Variants in PIK3CB observed in about 807,000 individuals in gnomAD.
The protein encoded by PIK3CB is phosphatidylinositol-4,5-bisphosphate 3-kinase catalytic subunit beta.
A neutral mutation model predicts 136.8 loss-of-function variants in PIK3CB; 39 were observed. The ratio of observed to expected loss-of-function variants is 0.29; its 90% CI spans 0.22 to 0.37. The LOEUF (loss-of-function observed/expected upper bound fraction) is 0.37, where lower values mean the gene tolerates loss of function less well. PIK3CB is among the 10% of genes least tolerant of loss of function. PIK3CB has a pLI of 1.00. For synonymous variants in PIK3CB, 428 were observed against 436.6 expected (o/e 0.98, Z 0.25); for missense variants, 868 against 1,275.4 (o/e 0.68, Z 4.87).
intron 1 of PIK3CB, among the ~76,000 whole-genome samples, chr3:138,799,661 TTTTTC>T (rs1361836396): frequency 6.6e-6 from 1 of 151,932 alleles, no homozygotes; most frequent in Admixed American, 6.6e-5. Context: ...AACCTCATCT[TTTTTC>T]TTTTCTTGTT....
intron 10 of PIK3CB, among the ~76,000 whole-genome samples, chr3:138,710,391 C>T (rs1285487378): frequency 6.6e-6 from 1 of 152,004 alleles, no homozygotes; most frequent in Non-Finnish European, 1.5e-5. Context: ...GTGACAACTG[C>T]TAGTACATGA....
At chr3:138,831,402 G>C (rs1253955830) in intron 1 of PIK3CB, among the ~76,000 whole-genome samples, 1 of 147,688 alleles carries the variant, frequency 6.8e-6, no homozygotes, top group Non-Finnish European at 1.5e-5. Context: ...AGACCAGCCT[G>C]GCCAACATGG....
At chr3:138,785,579 G>A (rs996231315) in intron 2 of PIK3CB, among the ~76,000 whole-genome samples, 2 of 152,044 alleles carry the variant, frequency 1.3e-5, no homozygotes, top group Non-Finnish European at 2.9e-5. Flanking sequence ...GATTAAGGAC[G>A]GTGTAAGATG....
chr3:138,737,337 G>A (rs1448494345), intron 6 of PIK3CB, among the ~76,000 whole-genome samples: 1 of 131,246 alleles, frequency 7.6e-6, no homozygotes, highest in Non-Finnish European at 1.6e-5. Context: ...AGGTTGCAGT[G>A]AGCCAAGACT....
At chr3:138,799,057 A>C (rs866259549) in intron 1 of PIK3CB, among the ~76,000 whole-genome samples, 1 of 152,102 alleles carries the variant, frequency 6.6e-6, no homozygotes. Flanking sequence ...CCCAATCTCT[A>C]CTAAAAATAC....
chr3:138,658,383 G>C (rs1043927334), intron 21 of PIK3CB, among the ~76,000 whole-genome samples: 1 of 152,072 alleles, frequency 6.6e-6, no homozygotes, highest in African/African-American at 2.4e-5. Flanking sequence ...CTAGGAGGTC[G>C]AGGCTGCAAT....
chr3:138,700,744 TAGAG>T (rs1458277613), intron 12 of PIK3CB, among the ~76,000 whole-genome samples: 15 of 129,616 alleles, frequency 1.2e-4, no homozygotes, highest in South Asian at 2.5e-4. Context: ...GATAGATAGA[TAGAG>T]ATAGAGTAGA....
At position 138,691,039 on chromosome 3, in the gene PIK3CB, C is replaced by T; in HGVS notation, c.1997G>A (p.Gly666Asp). The T allele has an allele frequency of 6.2e-7, 1 of 1,613,140 alleles. No homozygotes were observed. The highest frequency in any genetic ancestry group is 8.5e-7 in the Non-Finnish European group (1 of 1,179,248). Reference sequence around the variant, plus strand: ...TAGAAACTGCCCTATCCTCCGATTACCAAGTGCTCTTTCTAATAGGAATCT... The same window carrying T: ...TAGAAACTGCCCTATCCTCCGATTATCAAGTGCTCTTTCTAATAGGAATCT... ...LSRFLLERALGNRRIGQFLFW... is the reference protein window; with the variant it reads ...LSRFLLERALDNRRIGQFLFW... The change falls in exon 15 of 24, where the codon GGT (glycine) becomes GAT (aspartate). Residue 666 changes from glycine to aspartate, a missense_variant. Around this residue, in one of 4 missense-constraint regions of PIK3CB, gnomAD observed 612 missense variants for 801.1 expected, o/e 0.76. Transcript: ENST00000674063.
chr3:138,767,090 A>C (rs6789940), intron 2 of PIK3CB, among the ~76,000 whole-genome samples: 4,838 of 151,644 alleles, frequency 0.032, 263 homozygotes, highest in African/African-American at 0.11. Flanking sequence ...AGGAGAATCG[A>C]TTGAACCTGG....
chr3:138,761,332 T>G (rs1281275310), intron 2 of PIK3CB, among the ~76,000 whole-genome samples: 1 of 152,240 alleles, frequency 6.6e-6, no homozygotes, highest in African/African-American at 2.4e-5. Flanking sequence ...GAATGTGGCA[T>G]CTTCAATAAA....
intron 2 of PIK3CB, among the ~76,000 whole-genome samples, chr3:138,794,444 C>T (rs2108823085): frequency 6.6e-6 from 1 of 152,192 alleles, no homozygotes; most frequent in Non-Finnish European, 1.5e-5. Context: ...ATAGTAAAGG[C>T]CTAGTTTGAG....
chr3:138,751,351 G>C (rs367569924), intron 4 of PIK3CB, among the ~76,000 whole-genome samples: 1 of 151,876 alleles, frequency 6.6e-6, no homozygotes, highest in Non-Finnish European at 1.5e-5. Flanking sequence ...CCAGCTACTC[G>C]GGAGGCTGAG....
intron 1 of PIK3CB, among the ~76,000 whole-genome samples, chr3:138,818,626 TCCTACACACCTCTTGACCTCAC>T (rs1933434062): frequency 6.6e-6 from 1 of 152,090 alleles, no homozygotes; most frequent in Non-Finnish European, 1.5e-5. Flanking sequence ...TACACCCTTA[TCCTACACACCTCTTGACCTCAC>T]TCTCTCCTCT....
chr3:138,698,468 G>C (rs925373822), intron 13 of PIK3CB, among the ~76,000 whole-genome samples: 1 of 152,144 alleles, frequency 6.6e-6, no homozygotes, highest in Non-Finnish European at 1.5e-5. Context: ...CAACTGAAAT[G>C]AATGTTAAAA....
intron 1 of PIK3CB, among the ~76,000 whole-genome samples, chr3:138,813,169 T>C (rs1377320705): frequency 1.3e-5 from 2 of 152,120 alleles, no homozygotes; most frequent in Admixed American, 6.6e-5. Flanking sequence ...CATTCCTTTT[T>C]AGGAGGGGCT....
intron 10 of PIK3CB, 124 bp downstream of exon 10, chr3:138,712,081 GAAT>G (rs2044514943): frequency 6.5e-6 from 3 of 461,522 alleles, no homozygotes; most frequent in Non-Finnish European, 1.1e-5. Context: ...ATCTATTTTA[GAAT>G]AAATAATACA....
intron 1 of PIK3CB, among the ~76,000 whole-genome samples, chr3:138,822,422 C>T (rs959172797): frequency 6.6e-6 from 1 of 151,530 alleles, no homozygotes; most frequent in African/African-American, 2.4e-5. Flanking sequence ...TGGCATGCAC[C>T]TGTAGTTCCA....
chr3:138,745,853 T>G (rs1189269129), intron 4 of PIK3CB, among the ~76,000 whole-genome samples: 1 of 152,170 alleles, frequency 6.6e-6, no homozygotes, highest in Non-Finnish European at 1.5e-5. Context: ...AAACAGTAGT[T>G]AGCCTTCCTG....
intron 4 of PIK3CB, among the ~76,000 whole-genome samples, chr3:138,743,070 T>C (rs972545718): frequency 2.6e-5 from 4 of 152,206 alleles, no homozygotes; most frequent in Admixed American, 6.5e-5. Flanking sequence ...TAATTCACAA[T>C]ACATATTTTA....
Sources: gnomAD v4.1 joint callset for allele counts (sites outside exome capture counted in the v4.1 genomes callset) on GRCh38, gnomAD v4.1.1 for gene constraint, gnomAD v4.1.1 regional missense constraint, MANE v1.5 for transcripts, NCBI Gene and HGNC (gene_info 2026-07-23, HGNC 2026-07-21) for gene names.